PRKCZ: variants seen among roughly 807,000 people sequenced by gnomAD.
PRKCZ encodes the protein protein kinase C zeta type.
PRKCZ carries 33 observed loss-of-function variants against 79.5 expected under a neutral mutation model. The ratio of observed to expected loss-of-function variants is 0.41; its 90% CI spans 0.31 to 0.55. The LOEUF (loss-of-function observed/expected upper bound fraction) is 0.55, where lower values mean the gene tolerates loss of function less well. Ranked by LOEUF, PRKCZ falls within the 20% of genes least tolerant of loss-of-function variation. The pLI is 0.19. For synonymous variants in PRKCZ, 342 were observed against 320.9 expected, an observed-to-expected ratio of 1.07 and a Z score of -0.70; for missense variants, 578 against 813.5, an observed-to-expected ratio of 0.71 and a Z score of 3.52.
At chr1:2,126,446 A>T (rs1289369659) in intron 4 of PRKCZ, among the ~76,000 whole-genome samples, 1 of 151,684 alleles carries the variant, frequency 6.6e-6, no homozygotes, top group African/African-American at 2.4e-5. Context: ...AATCCAGCTC[A>T]TTACCTGTCT....
At chr1:2,126,897 CT>C (rs905368758) in intron 4 of PRKCZ, among the ~76,000 whole-genome samples, 2 of 152,256 alleles carry the variant, frequency 1.3e-5, no homozygotes, top group Non-Finnish European at 2.9e-5. Flanking sequence ...CACTGACACC[CT>C]GATACCCATT....
chr1:2,084,260 A>G lies in PRKCZ; in HGVS notation c.334+24669A>G, dbSNP rs376185207. On this transcript the variant is annotated intron_variant, in intron 4 of 17. Coordinates refer to ENST00000378567, the MANE Select transcript of PRKCZ (RefSeq NM_002744.6). ...GTCTCAAACAGCAACAACAAAAAACATCGCATATTGGCTGTTAGGAAATAT... is the reference window on the plus strand; with the variant it reads ...GTCTCAAACAGCAACAACAAAAAACGTCGCATATTGGCTGTTAGGAAATAT... 4.2e-4 allele frequency among the ~76,000 whole-genome samples: 64 copies of G among 152,336 alleles called. 1 individual carries two copies. The highest frequency in any genetic ancestry group is 2.9e-3 in the South Asian group (14 of 4,828).
At chr1:2,121,983 G>T (rs940365836) in intron 4 of PRKCZ, among the ~76,000 whole-genome samples, 1 of 63,842 alleles carries the variant, frequency 1.6e-5, no homozygotes, top group Non-Finnish European at 4.0e-5. Flanking sequence ...GGTGGTTAGG[G>T]TCACGGCGGT....
chr1:2,177,697 C>T lies in PRKCZ; in HGVS notation c.1575+2384C>T, dbSNP rs563786395. On this transcript the variant is annotated intron_variant, in intron 16 of 17. Coordinates refer to ENST00000378567, the MANE Select transcript of PRKCZ (RefSeq NM_002744.6). This position sits in a 1 kb window ranked among gnomAD's most constrained non-coding sequence, Gnocchi z 6.4. ...CAGGTGATCTCTGGCACACACTTGC[C>T]GCGGGCTGTCTCTCGGAAGGTAGTC... is the stretch of plus-strand genomic sequence containing the variant. Among the ~76,000 whole-genome samples, 20 of 152,310 alleles carry T rather than the reference C, an allele frequency of 1.3e-4. No individual in the cohort carries two copies. The South Asian group carries it at 3.5e-3, about 27-fold the overall frequency.
In PRKCZ at chr1:2,172,022, G is replaced by A; in HGVS notation, c.1062-33G>A. On this transcript the variant is annotated intron_variant, in intron 11 of 17. Coordinates refer to ENST00000378567, the MANE Select transcript of PRKCZ (RefSeq NM_002744.6). This position sits in a 1 kb window ranked among gnomAD's most constrained non-coding sequence, Gnocchi z 7.8. ...GCTGTTGGCGCAGCCTCTGGCACAG[G>A]CACTGCCCCCATGACGGCATCCCCA... 2 of 1,571,644 alleles carry A rather than the reference G, an allele frequency of 1.3e-6. No homozygotes were observed. Among genetic ancestry groups the A allele is most frequent in the Non-Finnish European group, 1.7e-6 (2 of 1,158,898 alleles).
At chr1:2,161,328 A>G (rs1376282752) in intron 10 of PRKCZ, among the ~76,000 whole-genome samples, 2 of 152,218 alleles carry the variant, frequency 1.3e-5, no homozygotes, top group African/African-American at 2.4e-5. Flanking sequence ...TGTGCACGGG[A>G]GAAGGGGCTC....
Position 2,174,611 on chromosome 1 carries a change from G to C in PRKCZ, c.1406-143G>C. ...GGACCCGGCGGGACTCCGGGTTATA[G>C]ATATTGCTGGGCTGTAGGAAGGGAG... is the stretch of plus-strand genomic sequence containing the variant. On this transcript the variant is annotated intron_variant, in intron 14 of 17. Coordinates refer to ENST00000378567, the MANE Select transcript of PRKCZ (RefSeq NM_002744.6). This position sits in a 1 kb window ranked among gnomAD's most constrained non-coding sequence, Gnocchi z 6.2. 1.3e-6 allele frequency: 1 copy of C among 749,968 alleles called. No homozygotes were observed. The highest frequency in any genetic ancestry group is 2.2e-6 in the Non-Finnish European group (1 of 451,244). The allele number at this position is 749,968 out of a possible 1,614,324, so 46.5% of individuals were successfully genotyped here.
At chr1:2,055,761 G>T in intron 2 of PRKCZ, 199 bp downstream of exon 2, 1 of 753,652 alleles carries the variant, frequency 1.3e-6, no homozygotes, top group Non-Finnish European at 2.0e-6. Flanking sequence ...CCTGGGCCCA[G>T]ATGCCCCTAG....
At chr1:2,072,173 C>T (rs998410696) in intron 4 of PRKCZ, among the ~76,000 whole-genome samples, 7 of 152,320 alleles carry the variant, frequency 4.6e-5, no homozygotes, top group African/African-American at 1.7e-4. Flanking sequence ...AGCCGCCTGA[C>T]GAGGGAAGCT....
intron 5 of PRKCZ, among the ~76,000 whole-genome samples, chr1:2,138,028 G>GC (rs1227252529): frequency 1.3e-5 from 2 of 152,164 alleles, no homozygotes; most frequent in Non-Finnish European, 1.5e-5. Context: ...CTCTGATCTC[G>GC]CCACCTGCTC....
intron 4 of PRKCZ, among the ~76,000 whole-genome samples, chr1:2,106,341 G>A (rs953488095): frequency 6.6e-6 from 1 of 152,244 alleles, no homozygotes; most frequent in African/African-American, 2.4e-5. Flanking sequence ...GTGAGGCCTC[G>A]TGCACACCCT....
chr1:2,115,399 G>A (rs1670558383), intron 4 of PRKCZ, among the ~76,000 whole-genome samples: 2 of 152,256 alleles, frequency 1.3e-5, no homozygotes, highest in Admixed American at 6.5e-5. Context: ...GGAAACAGAC[G>A]TTTCCCTCGC....
intron 10 of PRKCZ, among the ~76,000 whole-genome samples, chr1:2,161,551 A>C (rs1320528747): frequency 1.3e-5 from 2 of 152,196 alleles, no homozygotes; most frequent in African/African-American, 2.4e-5. Flanking sequence ...ATGTGGTGTC[A>C]CAGGCCACAC....
rs201452545 is a variant in PRKCZ, at chr1:2,054,840, C to T, written c.72-601C>T. The stretch of plus-strand genomic sequence containing the variant: ...TGCCCGACCAGGTAACGTTGCCGGA[C>T]CTCCCACAAGAGGGCACTTTCTTTT... On this transcript the variant is annotated intron_variant, in intron 1 of 17. Coordinates refer to ENST00000378567, the MANE Select transcript of PRKCZ (RefSeq NM_002744.6). Among the ~76,000 whole-genome samples the T allele has an allele frequency of 1.7e-4, 26 of 152,210 alleles. No homozygotes were observed. In the East Asian group the frequency reaches 2.1e-3, roughly 12 times the overall value.
At chr1:2,151,578 C>T (rs2103231099) in intron 9 of PRKCZ, among the ~76,000 whole-genome samples, 1 of 152,362 alleles carries the variant, frequency 6.6e-6, no homozygotes, top group Admixed American at 6.5e-5. Flanking sequence ...ACATGCTGAG[C>T]TGCCGTGGCT....
chr1:2,157,826 C>T (rs1681388494), intron 10 of PRKCZ, among the ~76,000 whole-genome samples: 3 of 151,974 alleles, frequency 2.0e-5, no homozygotes, highest in Admixed American at 2.0e-4. Flanking sequence ...TACAGGTGTC[C>T]ACCACTCTGC....
intron 4 of PRKCZ, among the ~76,000 whole-genome samples, chr1:2,098,760 C>T (rs1481385288): frequency 2.0e-5 from 3 of 152,274 alleles, no homozygotes; most frequent in South Asian, 2.1e-4. Flanking sequence ...CGGCTCACTG[C>T]GAGCTCCACC....
chr1:2,072,751 G>T (rs1014261860), intron 4 of PRKCZ, among the ~76,000 whole-genome samples: 1 of 152,128 alleles, frequency 6.6e-6, no homozygotes, highest in African/African-American at 2.4e-5. Context: ...GGTCAGCAGG[G>T]CCATAGGTGC....
chr1:2,171,962 T>TG, intron 11 of PRKCZ, 93 bp from the exon 12 acceptor site: 1 of 1,445,008 alleles, frequency 6.9e-7, no homozygotes, highest in Non-Finnish European at 9.2e-7. Context: ...GGGCCCGTGG[T>TG]GGGGCAAACG....
Sources: gnomAD v4.1 joint callset for allele counts (sites outside exome capture counted in the v4.1 genomes callset) on GRCh38, gnomAD v4.1.1 for gene constraint, Gnocchi (gnomAD v3.1) non-coding constraint, MANE v1.5 for transcripts, NCBI Gene and HGNC (gene_info 2026-07-23, HGNC 2026-07-21) for gene names.